The following CNTN1 variants were observed in gnomAD, a reference collection of about 807,000 sequenced individuals.
CNTN1 encodes the protein contactin 1, also known as contactin-1.
Under a neutral mutation model 126.4 loss-of-function variants are expected in CNTN1, and 38 were observed. The observed-to-expected ratio is 0.30, with a 90% CI of 0.23 to 0.39. The LOEUF (loss-of-function observed/expected upper bound fraction) is 0.39, where lower values mean the gene tolerates loss of function less well. Ranked by LOEUF, CNTN1 falls within the 10% of genes least tolerant of loss-of-function variation. The probability of loss-of-function intolerance (pLI) is 1.00; values close to 1 mark genes in which losing one functional copy is unlikely to be tolerated. For synonymous variants in CNTN1, 413 were observed against 422.6 expected (o/e 0.98, Z 0.28); for missense variants, 1,009 against 1,248.4 (o/e 0.81, Z 2.89).
intron 1 of CNTN1, among the ~76,000 whole-genome samples, chr12:40,904,621 G>A (rs186915402): frequency 9.9e-5 from 15 of 151,844 alleles, no homozygotes; most frequent in Non-Finnish European, 1.6e-4. Flanking sequence ...CTAGTGATAG[G>A]GTTTCATTAT....
At chr12:40,896,730 C>T (rs1944428196) in intron 1 of CNTN1, among the ~76,000 whole-genome samples, 1 of 152,146 alleles carries the variant, frequency 6.6e-6, no homozygotes, top group African/African-American at 2.4e-5. Context: ...CAATATTCAA[C>T]TGGAAGTGGC....
intron 1 of CNTN1, among the ~76,000 whole-genome samples, chr12:40,733,212 G>A (rs889156601): frequency 1.5e-4 from 23 of 151,932 alleles, no homozygotes; most frequent in African/African-American, 4.8e-5. Flanking sequence ...ACAAAATACA[G>A]TGCCCTTAAA....
chr12:40,918,769 C>T lies in CNTN1; in HGVS notation c.225C>T (p.Tyr75=), dbSNP rs777370521. 1 of 1,613,528 alleles carries T rather than the reference C, an allele frequency of 6.2e-7. No individual in the cohort carries two copies. Among genetic ancestry groups the T allele is most frequent in the Non-Finnish European group, 8.5e-7 (1 of 1,179,568 alleles). ...CRARASPFPV[Y]KWRMNNGDVD... is the part of the protein sequence containing the mutation. Reference sequence around the variant, plus strand: ...CACGAGCCAGCCCTTTCCCGGTTTACAAGTAATGTACCTCGCTTCTCTTTT... The same window carrying T: ...CACGAGCCAGCCCTTTCCCGGTTTATAAGTAATGTACCTCGCTTCTCTTTT... The change falls in exon 4 of 24, where the codon TAC becomes TAT. Residue 75 remains tyrosine, a splice_region_variant and synonymous_variant. Coordinates refer to ENST00000551295, the MANE Select transcript of CNTN1 (RefSeq NM_001843.4).
In CNTN1 at chr12:40,924,881, C is replaced by CAT. The variant is rs138237336; in HGVS notation, c.496+245_496+246dup. Among the ~76,000 whole-genome samples, 5,285 of 112,076 alleles carry CAT rather than the reference C, an allele frequency of 0.047. 456 individuals carry two copies. Among genetic ancestry groups the CAT allele is most frequent in the Middle Eastern group, 0.17 (32 of 188 alleles). 73.5% of individuals were successfully genotyped at this position (112,076 alleles called of 152,430 possible). A position where few individuals can be genotyped will look rare whatever the true frequency, so the allele number is the denominator to read the frequency against. ...ATCTCTAATCATTTTAGTTTATAAA[C>CAT]ATATATATATATATATAGTATTATG... On this transcript the variant is annotated intron_variant, in intron 6 of 23. Coordinates refer to ENST00000551295, the MANE Select transcript of CNTN1 (RefSeq NM_001843.4).
At chr12:40,827,144 A>G (rs75940515) in intron 1 of CNTN1, among the ~76,000 whole-genome samples, 5,711 of 151,970 alleles carry the variant, frequency 0.038, 171 homozygotes, top group Non-Finnish European at 0.06. Context: ...GATGAATATT[A>G]GCAAAATTAA....
chr12:41,060,704 AT>A (rs1949922065), intron 23 of CNTN1, among the ~76,000 whole-genome samples: 1 of 152,198 alleles, frequency 6.6e-6, no homozygotes, highest in South Asian at 2.1e-4. Context: ...TTAATCACAA[AT>A]TAAAAACTTG....
intron 20 of CNTN1, among the ~76,000 whole-genome samples, chr12:41,024,369 T>G (rs1948991868): frequency 1.3e-5 from 2 of 152,044 alleles, no homozygotes; most frequent in African/African-American, 4.8e-5. Context: ...TTTATTCATT[T>G]TATTCATACC....
intron 1 of CNTN1, among the ~76,000 whole-genome samples, chr12:40,709,375 T>G (rs1014985502): frequency 1.3e-5 from 2 of 152,208 alleles, no homozygotes; most frequent in Non-Finnish European, 2.9e-5. Flanking sequence ...TGTTGTTCTA[T>G]TTACAGAGCA....
intron 1 of CNTN1, among the ~76,000 whole-genome samples, chr12:40,727,071 A>G (rs1425393632): frequency 1.3e-5 from 2 of 149,804 alleles, no homozygotes; most frequent in Non-Finnish European, 3.0e-5. Flanking sequence ...TTTTATTATA[A>G]TAATTAAAAA....
intron 1 of CNTN1, among the ~76,000 whole-genome samples, chr12:40,748,557 G>T (rs548679908): frequency 2.6e-5 from 4 of 152,204 alleles, no homozygotes; most frequent in Admixed American, 2.0e-4. Context: ...AATAGTTGTT[G>T]TACTTGAAAA....
intron 16 of CNTN1, among the ~76,000 whole-genome samples, chr12:40,989,228 A>T (rs137918122): frequency 1.6e-4 from 24 of 152,320 alleles, no homozygotes; most frequent in Admixed American, 1.6e-3. Context: ...AGGATCCAAT[A>T]GTTCCTACCA....
At chr12:40,951,085 T>G (rs1307338310) in intron 14 of CNTN1, among the ~76,000 whole-genome samples, 1 of 152,162 alleles carries the variant, frequency 6.6e-6, no homozygotes, top group African/African-American at 2.4e-5. Flanking sequence ...TTAAATGATA[T>G]ATGAGTTGTA....
At chr12:41,009,351 C>T (rs913830178) in intron 17 of CNTN1, among the ~76,000 whole-genome samples, 1 of 152,124 alleles carries the variant, frequency 6.6e-6, no homozygotes, top group Non-Finnish European at 1.5e-5. Flanking sequence ...TATAAATAGT[C>T]ATGTCATTTC....
chr12:40,753,216 C>T lies in CNTN1; in HGVS notation c.-77+60624C>T, dbSNP rs534771925. 4.6e-5 allele frequency among the ~76,000 whole-genome samples: 7 copies of T among 152,218 alleles called. No individual in the cohort carries two copies. The South Asian group carries it at 1.5e-3, about 32-fold the overall frequency. On this transcript the variant is annotated intron_variant, in intron 1 of 23. Coordinates refer to ENST00000551295, the MANE Select transcript of CNTN1 (RefSeq NM_001843.4). ...ATTCTTCCCTCCTCCTCATCTCCTT[C>T]CTTTTCATCTTCTTCATCTTCACTA...
intron 1 of CNTN1, among the ~76,000 whole-genome samples, chr12:40,809,505 T>C (rs1481461585): frequency 2.0e-5 from 3 of 151,950 alleles, no homozygotes; most frequent in Non-Finnish European, 4.4e-5. Context: ...TATAGTCAAG[T>C]AAGAATGGAA....
chr12:40,856,270 C>A (rs987094135), intron 1 of CNTN1, among the ~76,000 whole-genome samples: 4 of 151,736 alleles, frequency 2.6e-5, no homozygotes, highest in Non-Finnish European at 4.4e-5. Context: ...GAGGCAGTGA[C>A]AATGACAGTA....
At chr12:40,978,792 T>G (rs182262177) in intron 15 of CNTN1, 2 of 152,316 alleles carry the variant, frequency 1.3e-5, no homozygotes, top group African/African-American at 4.8e-5. Context: ...GATTTACATT[T>G]TAATGGTTAA....
chr12:40,803,531 G>T (rs1029073990), intron 1 of CNTN1, among the ~76,000 whole-genome samples: 1 of 151,976 alleles, frequency 6.6e-6, no homozygotes, highest in Non-Finnish European at 1.5e-5. Flanking sequence ...GCTTAGACAT[G>T]TTTTAACAAG....
intron 1 of CNTN1, among the ~76,000 whole-genome samples, chr12:40,758,879 AG>A (rs1938718297): frequency 1.4e-5 from 1 of 69,414 alleles, no homozygotes; most frequent in African/African-American, 5.4e-5. Context: ...GAGAGGATTC[AG>A]GTTTTATATA....
Sources: gnomAD v4.1 joint callset for allele counts (sites outside exome capture counted in the v4.1 genomes callset) on GRCh38, gnomAD v4.1.1 for gene constraint, MANE v1.5 for transcripts, NCBI Gene and HGNC (gene_info 2026-07-23, HGNC 2026-07-21) for gene names.